The following EMC1 variants were observed in gnomAD, a reference collection of about 807,000 sequenced individuals.
The protein encoded by EMC1 is ER membrane protein complex subunit 1.
EMC1 carries 103 observed loss-of-function variants against 128.8 expected under a neutral mutation model. The ratio of observed to expected loss-of-function variants is 0.80; its 90% CI spans 0.68 to 0.94. The LOEUF (loss-of-function observed/expected upper bound fraction) is 0.94. Ranked by LOEUF, EMC1 falls within the 40% of genes least tolerant of loss-of-function variation. The probability of loss-of-function intolerance (pLI) is 0.00; values close to 1 mark genes in which losing one functional copy is unlikely to be tolerated. For synonymous variants in EMC1, 442 were observed against 490.4 expected (o/e 0.90, Z 1.30); for missense variants, 1,083 against 1,250.6 (o/e 0.87, Z 2.02).
At chr1:19,243,053 T>C (rs2093615436) in intron 4 of EMC1, among the ~76,000 whole-genome samples, 5 of 152,046 alleles carry the variant, frequency 3.3e-5, no homozygotes, top group Admixed American at 6.6e-5. Flanking sequence ...CTGGCCAACA[T>C]GGTGAAACCC....
In EMC1 at chr1:19,231,310, A is replaced by C; in HGVS notation, c.1895T>G (p.Met632Arg). Residue 632 changes from methionine to arginine, a missense_variant, in exon 16 of 23, where the codon ATG becomes AGG. Transcript: ENST00000477853. ...PILQSLLLPV[M>R]DQDYAKVLLL... ...CAACACCTTGGCGTAGTCTTGATCC[A>C]TGACTGGGAGAAGCAAGGACTGCAA... is the stretch of plus-strand genomic sequence containing the variant. 1 of 1,611,152 alleles carries C rather than the reference A, an allele frequency of 6.2e-7. No homozygotes were observed. The highest frequency in any genetic ancestry group is 8.5e-7 in the Non-Finnish European group (1 of 1,179,382).
At position 19,219,104 on chromosome 1, in the gene EMC1, G is replaced by C. The variant is rs535847317; in HGVS notation, c.*199C>G. ...TGAGAGTGTCAGCTGAGAGAGTTCT[G>C]TCTCTCTCCATGTAGGATCCTTTCT... On this transcript the variant is annotated 3_prime_UTR_variant, in exon 23 of 23. Coordinates refer to ENST00000477853, the MANE Select transcript of EMC1 (RefSeq NM_015047.3). 24 of 563,348 alleles carry C rather than the reference G, an allele frequency of 4.3e-5. No homozygotes were observed. In the African/African-American group the frequency reaches 4.3e-4, roughly 10 times the overall value. 34.9% of individuals were successfully genotyped at this position (563,348 alleles called of 1,614,324 possible). A position where few individuals can be genotyped will look rare whatever the true frequency, so the allele number is the denominator to read the frequency against.
chr1:19,244,099 TGCACAGCAATGTCCA>T, intron 2 of EMC1, 84 bp from the exon 3 acceptor site: 1 of 1,311,074 alleles, frequency 7.6e-7, no homozygotes, highest in South Asian at 1.2e-5. Flanking sequence ...GCTCTTCATT[TGCACAGCAATGTCCA>T]ATTTTATCTC....
intron 1 of EMC1, among the ~76,000 whole-genome samples, chr1:19,247,632 CTG>C (rs1258082160): frequency 1.2e-4 from 19 of 152,188 alleles, no homozygotes; most frequent in South Asian, 2.1e-4. Flanking sequence ...TAATAAATGA[CTG>C]TGTTACTGGT....
chr1:19,234,308 G>T, intron 13 of EMC1: 3 of 297,096 alleles, frequency 1.0e-5, no homozygotes, highest in Non-Finnish European at 1.5e-5. Context: ...CCGTTGGAGG[G>T]CTGGATGAAT....
intron 20 of EMC1, chr1:19,221,519 C>G (rs561977765): frequency 6.6e-6 from 1 of 151,736 alleles, no homozygotes; most frequent in East Asian, 2.0e-4. Flanking sequence ...ACCTGTAGTC[C>G]CAGCTACTCA....
intron 8 of EMC1, 56 bp downstream of exon 8, chr1:19,239,762 A>T (rs2093592351): frequency 6.4e-7 from 1 of 1,560,916 alleles, no homozygotes; most frequent in Non-Finnish European, 8.8e-7. Context: ...GCCTTCTAGC[A>T]TCCATGTCTT....
chr1:19,220,997 A>C, intron 20 of EMC1, 149 bp from the exon 21 acceptor site: 1 of 549,582 alleles, frequency 1.8e-6, no homozygotes, highest in African/African-American at 1.9e-5. Context: ...ATAATAATCC[A>C]ATGATACGCA....
At chr1:19,238,765 TC>T (rs780654012) in intron 10 of EMC1, 29 bp downstream of exon 10, 3 of 1,529,946 alleles carry the variant, frequency 2.0e-6, no homozygotes, top group Non-Finnish European at 2.7e-6. Context: ...CGTCTCTAGG[TC>T]TGGCATACTG....
rs1412097148 is a variant in EMC1 at position 19,233,115 on chromosome 1, G to A, written c.1453C>T (p.Leu485=). The change falls in exon 14 of 23, where the codon CTG becomes TTG. Residue 485 remains leucine (L), a synonymous_variant. Coordinates refer to ENST00000477853, the MANE Select transcript of EMC1 (RefSeq NM_015047.3). ...KKADGLLGMF[L]KRLSSQLILL... is the part of the protein sequence containing the mutation. ...ATAAGCTGAGACGAGAGGCGTTTCA[G>A]GAACATCCCCAGCAAGCCATCTGGT... is the stretch of plus-strand genomic sequence containing the variant. 8 of 1,613,964 alleles carry A rather than the reference G, an allele frequency of 5.0e-6. No individual in the cohort carries two copies. In the Admixed American group the frequency reaches 1.2e-4, roughly 24 times the overall value.
At chr1:19,235,056 T>C (rs760309079) in intron 13 of EMC1, 74 bp downstream of exon 13, 521 of 1,557,174 alleles carry the variant, frequency 3.3e-4, no homozygotes, top group Non-Finnish European at 4.3e-4. Context: ...AGATGCATGA[T>C]ACAGTGTCTC....
chr1:19,235,694 C>T (rs1202367568), intron 12 of EMC1, among the ~76,000 whole-genome samples: 2 of 151,708 alleles, frequency 1.3e-5, no homozygotes, highest in South Asian at 4.2e-4. Flanking sequence ...CAGCGAGACT[C>T]CGTCTTGAAA....
At chr1:19,236,811 T>C (rs2093568006) in intron 12 of EMC1, among the ~76,000 whole-genome samples, 1 of 146,980 alleles carries the variant, frequency 6.8e-6, no homozygotes. Flanking sequence ...CTACTGAAAA[T>C]ACAAAAATTA....
rs1319853164 is a variant in EMC1, at chr1:19,219,051, C to T, written c.*252G>A. 1 of 440,120 alleles carries T rather than the reference C, an allele frequency of 2.3e-6. No individual in the cohort carries two copies. Among genetic ancestry groups the T allele is most frequent in the Non-Finnish European group, 4.1e-6 (1 of 243,726 alleles). The allele number at this position is 440,120 out of a possible 1,614,324, so 27.3% of individuals were successfully genotyped here. A position where few individuals can be genotyped will look rare whatever the true frequency, so the allele number is the denominator to read the frequency against. On this transcript the variant is annotated 3_prime_UTR_variant, in exon 23 of 23. Transcript: ENST00000477853. ...AGGAAACAATGCAGACGCCTTTGGA[C>T]TTCAAGAGAAAGCCCATCAGGAATC...
Position 19,231,354 on chromosome 1 carries a change from T to C in EMC1, c.1851A>G (p.Pro617=), listed in dbSNP as rs1383605086. The change falls in exon 16 of 23, where the codon CCA becomes CCG. Residue 617 remains proline (P), a synonymous_variant. Transcript: ENST00000477853. ...IFGKWSQVAP[P]VLKRPILQSL... is the part of the protein sequence containing the mutation. ...ACTGCAAGATGGGGCGCTTCAGCAC[T>C]GGGGGAGCTACCTGACTCCACTTCC... The C allele has an allele frequency of 1.2e-6, 2 of 1,612,786 alleles. No individual in the cohort carries two copies.
At chr1:19,224,317 T>C (rs1196152276) in intron 18 of EMC1, among the ~76,000 whole-genome samples, 1 of 152,174 alleles carries the variant, frequency 6.6e-6, no homozygotes, top group Non-Finnish European at 1.5e-5. Context: ...AGATACTCCT[T>C]TGAACTCCAG....
intron 13 of EMC1, among the ~76,000 whole-genome samples, chr1:19,233,669 G>A (rs771211746): frequency 1.3e-5 from 2 of 152,146 alleles, no homozygotes; most frequent in Non-Finnish European, 2.9e-5. Context: ...CCCTGATTCC[G>A]TCAATGAAGC....
chr1:19,240,026 C>A, intron 7 of EMC1, 41 bp from the exon 8 acceptor site: 1 of 1,575,902 alleles, frequency 6.3e-7, no homozygotes, highest in Non-Finnish European at 8.6e-7. Context: ...TAACAGCTGA[C>A]GACTCCCTGA....
chr1:19,237,520 C>A (rs997898382), intron 11 of EMC1, among the ~76,000 whole-genome samples: 1 of 152,132 alleles, frequency 6.6e-6, no homozygotes, highest in Non-Finnish European at 1.5e-5. Context: ...ACAAAGTGAG[C>A]AGGAGGCCGG....
Sources: allele counts gnomAD v4.1 joint callset (sites outside exome capture counted in the v4.1 genomes callset), GRCh38; gene constraint gnomAD v4.1.1; transcripts MANE v1.5; gene names NCBI Gene and HGNC (gene_info 2026-07-23, HGNC 2026-07-21).